The following CDC42SE2 variants were observed in gnomAD, a reference collection of about 807,000 sequenced individuals.
CDC42SE2 encodes the protein CDC42 small effector protein 2.
In CDC42SE2, 3 loss-of-function variants were observed where a neutral mutation model predicts 11.5. That is an observed-to-expected ratio of 0.26 (90% CI 0.12 to 0.67). The LOEUF is 0.67. Ranked by LOEUF, CDC42SE2 falls within the 30% of genes least tolerant of loss-of-function variation. The pLI, the probability that CDC42SE2 is intolerant of heterozygous loss-of-function variation, is 0.80. For synonymous variants in CDC42SE2, 33 were observed against 34.8 expected (o/e 0.95, Z 0.18); for missense variants, 82 against 106.8 (o/e 0.77, Z 1.02).
chr5:131,242,890 T>C (rs2149681077), upstream of CDC42SE2, among the ~76,000 whole-genome samples: 1 of 152,334 alleles, frequency 6.6e-6, no homozygotes, highest in East Asian at 1.9e-4. Flanking sequence ...TCAGTCATAC[T>C]GGTCATGTCA....
At chr5:131,383,522 G>T (rs951027623) in intron 3 of CDC42SE2, among the ~76,000 whole-genome samples, 2 of 152,140 alleles carry the variant, frequency 1.3e-5, no homozygotes, top group African/African-American at 4.8e-5. Flanking sequence ...TTAGGGAAAA[G>T]AGTGAAAAAC....
chr5:131,332,266 C>T (rs1253142436), intron 2 of CDC42SE2, among the ~76,000 whole-genome samples: 1 of 152,160 alleles, frequency 6.6e-6, no homozygotes, highest in Admixed American at 6.5e-5. Context: ...TGGTTTCCAG[C>T]TTCATCCATG....
chr5:131,287,470 CTT>C (rs879882960), intron 1 of CDC42SE2, among the ~76,000 whole-genome samples: 5 of 141,334 alleles, frequency 3.5e-5, no homozygotes, highest in Admixed American at 7.1e-5. Context: ...TTTTCTTTTT[CTT>C]TTTTTTTTTT....
intron 1 of CDC42SE2, among the ~76,000 whole-genome samples, chr5:131,293,470 G>A (rs1217972354): frequency 2.0e-5 from 3 of 152,000 alleles, no homozygotes; most frequent in African/African-American, 7.3e-5. Flanking sequence ...TACCGGGGCG[G>A]CTGAGGCAGG....
intron 1 of CDC42SE2, among the ~76,000 whole-genome samples, chr5:131,275,856 G>T (rs1757089596): frequency 6.7e-6 from 1 of 150,196 alleles, no homozygotes. Flanking sequence ...TCTTAGTACT[G>T]TACTGCCTAG....
intron 1 of CDC42SE2, among the ~76,000 whole-genome samples, chr5:131,248,380 C>T (rs568871356): frequency 2.0e-5 from 3 of 151,886 alleles, no homozygotes; most frequent in Non-Finnish European, 4.4e-5. Context: ...CCTTGTGATC[C>T]GCCCATCTGG....
chr5:131,243,355 G>A (rs540647416), upstream of CDC42SE2, among the ~76,000 whole-genome samples: 4 of 152,294 alleles, frequency 2.6e-5, no homozygotes, highest in South Asian at 8.3e-4. Flanking sequence ...CAAGGTGGGT[G>A]GATCACGAGG....
intron 3 of CDC42SE2, among the ~76,000 whole-genome samples, chr5:131,366,451 A>G (rs920455344): frequency 2.6e-5 from 4 of 152,226 alleles, no homozygotes; most frequent in South Asian, 2.1e-4. Context: ...TTTTGAAATT[A>G]TAATGCTTTT....
chr5:131,389,008 A>G (rs1580793042), intron 4 of CDC42SE2, among the ~76,000 whole-genome samples: 1 of 151,376 alleles, frequency 6.6e-6, no homozygotes, highest in African/African-American at 2.4e-5. Flanking sequence ...TAGTTTTTGT[A>G]TTTTTTTTGT....
intron 2 of CDC42SE2, among the ~76,000 whole-genome samples, chr5:131,346,231 C>T (rs562717909): frequency 3.9e-5 from 6 of 152,226 alleles, no homozygotes; most frequent in South Asian, 2.1e-4. Context: ...AGTCAAGACC[C>T]GTCAGTGTGC....
chr5:131,350,645 A>ATG (rs1390970039), intron 2 of CDC42SE2, among the ~76,000 whole-genome samples: 1 of 151,330 alleles, frequency 6.6e-6, no homozygotes, highest in Non-Finnish European at 1.5e-5. Context: ...GTGTATATAT[A>ATG]TATGTATATA....
chr5:131,310,904 C>T (rs936071133), intron 1 of CDC42SE2, among the ~76,000 whole-genome samples: 4 of 151,882 alleles, frequency 2.6e-5, no homozygotes, highest in African/African-American at 9.7e-5. Context: ...TCCAATTTGC[C>T]AGTCTGTCTT....
chr5:131,211,280 C>T, the CDC42SE2 span, among the ~76,000 whole-genome samples: 1 of 152,162 alleles, frequency 6.6e-6, no homozygotes, highest in Non-Finnish European at 1.5e-5. Flanking sequence ...TTATCCACCC[C>T]ATGTATTTCT....
chr5:131,314,796 TTTCATTTTTCCTTTAATGAAA>T (rs917859843), intron 1 of CDC42SE2, among the ~76,000 whole-genome samples: 1 of 152,196 alleles, frequency 6.6e-6, no homozygotes, highest in African/African-American at 2.4e-5. Context: ...CCCCAATGGT[TTTCATTTTTCCTTTAATGAAA>T]TTCATTTTTC....
rs576327665 is a variant in CDC42SE2, at chr5:131,280,871, GT to G, written c.-455+16706del. 9.2e-4 allele frequency among the ~76,000 whole-genome samples: 140 copies of G among 152,258 alleles called. No homozygotes were observed. In the East Asian group the frequency reaches 0.011, roughly 12 times the overall value. On this transcript the variant is annotated intron_variant, in intron 1 of 4. Coordinates refer to ENST00000505065, the MANE Select transcript of CDC42SE2 (RefSeq NM_001375635.1). ...TATTAGATATTGCTACCCTTTTTAT[GT>G]GTGAGAATGAGGAGTGAAATAGTTC...
chr5:131,238,352 A>T, the CDC42SE2 span, among the ~76,000 whole-genome samples: 1 of 151,844 alleles, frequency 6.6e-6, no homozygotes, highest in Admixed American at 6.6e-5. Context: ...GAAAACAAAA[A>T]ATTAGCCGGG....
intron 1 of CDC42SE2, among the ~76,000 whole-genome samples, chr5:131,312,262 T>G (rs562286621): frequency 1.3e-5 from 2 of 151,992 alleles, no homozygotes; most frequent in African/African-American, 4.8e-5. Flanking sequence ...TCTCGGGGGT[T>G]AGGGGTCAGG....
chr5:131,279,466 C>T (rs1218438149), intron 1 of CDC42SE2, among the ~76,000 whole-genome samples: 1 of 133,056 alleles, frequency 7.5e-6, no homozygotes, highest in South Asian at 2.7e-4. Flanking sequence ...CCCCCCCTTT[C>T]AGAATAATTT....
chr5:131,337,811 G>A (rs545186065), intron 2 of CDC42SE2, among the ~76,000 whole-genome samples: 39 of 152,366 alleles, frequency 2.6e-4, no homozygotes, highest in Admixed American at 1.6e-3. Context: ...TGTGAAGCCC[G>A]TTGGAAAAGC....
Sources: allele counts gnomAD v4.1 joint callset (sites outside exome capture counted in the v4.1 genomes callset), GRCh38; gene constraint gnomAD v4.1.1; transcripts MANE v1.5; gene names NCBI Gene and HGNC (gene_info 2026-07-23, HGNC 2026-07-21).